Variants in CNTN3 observed in about 807,000 individuals in gnomAD.
CNTN3 encodes contactin 3.
CNTN3 carries 60 observed loss-of-function variants against 119.1 expected under a neutral mutation model. The observed-to-expected ratio is 0.50, with a 90% CI of 0.41 to 0.62. The LOEUF is 0.62. CNTN3 is among the 20% of genes least tolerant of loss of function. The probability of loss-of-function intolerance (pLI) is 0.00; values close to 1 mark genes in which losing one functional copy is unlikely to be tolerated. For synonymous variants in CNTN3, 450 were observed against 438.7 expected (o/e 1.03, Z -0.32); for missense variants, 1,101 against 1,242.4 (o/e 0.89, Z 1.71).
At chr3:74,336,281 A>G (rs893009222) in intron 12 of CNTN3, among the ~76,000 whole-genome samples, 30 of 152,152 alleles carry the variant, frequency 2.0e-4, no homozygotes, top group African/African-American at 6.5e-4. Flanking sequence ...GAGATCATCA[A>G]CATATGCTAT....
intron 2 of CNTN3, among the ~76,000 whole-genome samples, chr3:74,507,079 A>G (rs1351987924): frequency 6.6e-6 from 1 of 152,148 alleles, no homozygotes; most frequent in Non-Finnish European, 1.5e-5. Context: ...TAATTATCCA[A>G]TGAAGAATTC....
intron 4 of CNTN3, among the ~76,000 whole-genome samples, chr3:74,471,816 T>C (rs918572947): frequency 6.6e-6 from 1 of 152,164 alleles, no homozygotes; most frequent in Non-Finnish European, 1.5e-5. Context: ...GTGTTTTCCT[T>C]TATAGTTATC....
At chr3:74,367,070 C>T (rs538447814) in intron 8 of CNTN3, among the ~76,000 whole-genome samples, 1 of 151,424 alleles carries the variant, frequency 6.6e-6, no homozygotes, top group African/African-American at 2.4e-5. Context: ...CACATCAATT[C>T]TGATTTCTCC....
intron 8 of CNTN3, among the ~76,000 whole-genome samples, chr3:74,366,778 G>GTATATATATATATATATATA (rs1485995990): frequency 0.014 from 586 of 40,650 alleles, 8 homozygotes; most frequent in African/African-American, 0.016. Flanking sequence ...GTGTGTGTGT[G>GTATATATATATATATATATA]TGTATATATA....
intron 1 of CNTN3, among the ~76,000 whole-genome samples, chr3:74,556,404 T>C (rs1704069708): frequency 6.6e-6 from 1 of 152,190 alleles, no homozygotes; most frequent in African/African-American, 2.4e-5. Flanking sequence ...TCATAAAATA[T>C]GTGATCTTTT....
intron 4 of CNTN3, among the ~76,000 whole-genome samples, chr3:74,455,484 C>G (rs1290058979): frequency 6.6e-6 from 1 of 152,038 alleles, no homozygotes; most frequent in African/African-American, 2.4e-5. Context: ...TCGTCTGAAG[C>G]CTTCTTCTCT....
At chr3:74,587,869 T>C (rs1575849190) in intron 1 of CNTN3, among the ~76,000 whole-genome samples, 1 of 152,314 alleles carries the variant, frequency 6.6e-6, no homozygotes, top group Non-Finnish European at 1.5e-5. Flanking sequence ...CCCTGTCTTG[T>C]GCCAGTTTTC....
intron 2 of CNTN3, among the ~76,000 whole-genome samples, chr3:74,511,221 T>A (rs1703358034): frequency 6.6e-6 from 1 of 152,126 alleles, no homozygotes; most frequent in African/African-American, 2.4e-5. Context: ...GGTCTAGCAA[T>A]CTTCAATTCA....
At chr3:74,394,175 T>C (rs1211511443) in intron 5 of CNTN3, among the ~76,000 whole-genome samples, 2 of 152,150 alleles carry the variant, frequency 1.3e-5, no homozygotes, top group Non-Finnish European at 2.9e-5. Context: ...CTTAAATTTA[T>C]GGACAAAACT....
chr3:74,445,409 C>T (rs1055761786), intron 4 of CNTN3, among the ~76,000 whole-genome samples: 32 of 152,008 alleles, frequency 2.1e-4, no homozygotes, highest in African/African-American at 6.3e-4. Context: ...ATTACAGGTG[C>T]CTGCCACCAT....
At chr3:74,297,820 C>A (rs1702372220) in intron 18 of CNTN3, 137 bp downstream of exon 18, 1 of 629,702 alleles carries the variant, frequency 1.6e-6, no homozygotes, top group Non-Finnish European at 2.8e-6. Flanking sequence ...ATGACTTGCA[C>A]TGGGAATCTA....
chr3:74,573,626 G>C (rs1704368836), intron 1 of CNTN3, among the ~76,000 whole-genome samples: 1 of 152,042 alleles, frequency 6.6e-6, no homozygotes, highest in Admixed American at 6.5e-5. Context: ...AAATTAAAAT[G>C]GGAAAAGGAT....
At chr3:74,344,415 T>TTTTTTTTTTTTTTTA (rs1703632202) in intron 11 of CNTN3, among the ~76,000 whole-genome samples, 1 of 5,264 alleles carries the variant, frequency 1.9e-4, no homozygotes. Context: ...TTTTTTTTTT[T>TTTTTTTTTTTTTTTA]TTTTTTTTTT....
chr3:74,301,509 C>A lies in CNTN3; in HGVS notation c.1984G>T (p.Val662Leu), dbSNP rs778959042. 6.2e-7 allele frequency: 1 copy of A among 1,614,148 alleles called. No individual in the cohort carries two copies. The highest frequency in any genetic ancestry group is 8.5e-7 in the Non-Finnish European group (1 of 1,179,996). ...VIDGKTHTAT[V>L]VELNPWVEYE... Reference sequence around the variant, plus strand: ...TCCACCCATGGGTTTAACTCAACTACAGTGGCTGTGTGCGTCTTCCCATCG... The same window carrying A: ...TCCACCCATGGGTTTAACTCAACTAAAGTGGCTGTGTGCGTCTTCCCATCG... The change falls in exon 16 of 23, where the codon GTA becomes TTA. Residue 662 changes from valine to leucine, a missense_variant. Physicochemically the swap from Val to Leu is conservative, Grantham distance 32 (BLOSUM62 1). Transcript: ENST00000263665.
intron 4 of CNTN3, among the ~76,000 whole-genome samples, chr3:74,462,884 C>G (rs1702395621): frequency 6.6e-6 from 1 of 152,130 alleles, no homozygotes; most frequent in South Asian, 2.1e-4. Flanking sequence ...CAATCAGCAT[C>G]TCTAATCTGA....
At chr3:74,586,760 T>C (rs1704599486) in intron 1 of CNTN3, among the ~76,000 whole-genome samples, 1 of 152,028 alleles carries the variant, frequency 6.6e-6, no homozygotes, top group South Asian at 2.1e-4. Flanking sequence ...TATCTACTAA[T>C]AACATAATAA....
intron 5 of CNTN3, among the ~76,000 whole-genome samples, chr3:74,376,123 C>T (rs1242695017): frequency 6.6e-6 from 1 of 152,166 alleles, no homozygotes; most frequent in Non-Finnish European, 1.5e-5. Flanking sequence ...GGATTCTCCC[C>T]TGGAGCCCCA....
intron 1 of CNTN3, among the ~76,000 whole-genome samples, chr3:74,598,810 A>T (rs530783346): frequency 2.6e-5 from 4 of 152,102 alleles, no homozygotes; most frequent in African/African-American, 7.2e-5. Context: ...AATGTCTAGT[A>T]AGATCCAGGT....
chr3:74,311,438 C>A (rs922964298), intron 13 of CNTN3, among the ~76,000 whole-genome samples: 4 of 152,108 alleles, frequency 2.6e-5, no homozygotes, highest in Non-Finnish European at 5.9e-5. Flanking sequence ...GAATGTTTTA[C>A]ATAAAAATAA....
Sources: gnomAD v4.1 joint callset for allele counts (sites outside exome capture counted in the v4.1 genomes callset) on GRCh38, gnomAD v4.1.1 for gene constraint, MANE v1.5 for transcripts, NCBI Gene and HGNC (gene_info 2026-07-23, HGNC 2026-07-21) for gene names.